The following KAZN variants were observed in gnomAD, a reference collection of about 807,000 sequenced individuals.
KAZN encodes the protein kazrin, periplakin interacting protein.
A neutral mutation model predicts 87.4 loss-of-function variants in KAZN; 40 were observed. The observed-to-expected ratio is 0.46, with a 90% CI of 0.36 to 0.60. The LOEUF (loss-of-function observed/expected upper bound fraction) is 0.60, where lower values mean the gene tolerates loss of function less well. Among genes scored for constraint, KAZN ranks in the 20% least tolerant of loss-of-function variants. The probability of loss-of-function intolerance (pLI) is 0.00; values close to 1 mark genes in which losing one functional copy is unlikely to be tolerated. For missense variants in KAZN, 898 were observed against 1,073.9 expected (o/e 0.84, Z 2.29); for synonymous variants, 466 against 458.3 (o/e 1.02, Z -0.22).
chr1:14,849,973 T>C (rs1409920197), intron 1 of KAZN, among the ~76,000 whole-genome samples: 2 of 151,616 alleles, frequency 1.3e-5, no homozygotes, highest in African/African-American at 4.9e-5. Context: ...ATCGCTCTGT[T>C]ACCCAGGCTG....
intron 2 of KAZN, among the ~76,000 whole-genome samples, chr1:15,008,924 T>C (rs1297692357): frequency 6.6e-6 from 1 of 152,252 alleles, no homozygotes; most frequent in Non-Finnish European, 1.5e-5. Context: ...GCTCAGTTCC[T>C]GTTATTCCCC....
chr1:14,644,202 G>A (rs1291337980), intron 1 of KAZN, among the ~76,000 whole-genome samples: 1 of 150,860 alleles, frequency 6.6e-6, no homozygotes, highest in African/African-American at 2.4e-5. Context: ...ATTAGAGATG[G>A]GGTTTCACCA....
intron 1 of KAZN, among the ~76,000 whole-genome samples, chr1:14,936,779 G>C (rs1485360919): frequency 6.6e-6 from 1 of 152,144 alleles, no homozygotes; most frequent in Non-Finnish European, 1.5e-5. Context: ...AGAAAGGAAA[G>C]ATACCCTCCC....
At chr1:14,943,019 T>TGGG (rs1309511657) in intron 1 of KAZN, among the ~76,000 whole-genome samples, 1 of 95,892 alleles carries the variant, frequency 1.0e-5, no homozygotes, top group African/African-American at 4.4e-5. Context: ...TGTGTGTGTG[T>TGGG]GTGTGTGTGT....
At chr1:14,843,557 A>G (rs1034738235) in intron 1 of KAZN, among the ~76,000 whole-genome samples, 2 of 152,240 alleles carry the variant, frequency 1.3e-5, no homozygotes, top group Non-Finnish European at 2.9e-5. Flanking sequence ...GCTGGCAGAC[A>G]AGGCTGGGGT....
chr1:14,373,198 AATATATAT>A (rs58491688), intron 2 of KAZN, among the ~76,000 whole-genome samples: 3 of 149,154 alleles, frequency 2.0e-5, no homozygotes, highest in South Asian at 2.2e-4. Flanking sequence ...TGAAAAACTG[AATATATAT>A]ATATATATAT....
chr1:14,152,486 C>T (rs1337488766), intron 1 of KAZN, among the ~76,000 whole-genome samples: 1 of 152,190 alleles, frequency 6.6e-6, no homozygotes, highest in African/African-American at 2.4e-5. Context: ...TGATTTCCAT[C>T]CAGTTCCATC....
At chr1:14,539,720 A>G (rs1389940748) in intron 2 of KAZN, among the ~76,000 whole-genome samples, 2 of 143,776 alleles carry the variant, frequency 1.4e-5, no homozygotes, top group African/African-American at 5.6e-5. Flanking sequence ...TAGTTTGATG[A>G]AAAAAAAAAC....
At chr1:14,032,970 C>A (rs1189387522) in intron 1 of KAZN, among the ~76,000 whole-genome samples, 1 of 152,186 alleles carries the variant, frequency 6.6e-6, no homozygotes, top group East Asian at 1.9e-4. Flanking sequence ...CCTGTGCCCT[C>A]TGCACCCTGG....
intron 1 of KAZN, among the ~76,000 whole-genome samples, chr1:14,906,517 C>A (rs150193170): frequency 9.5e-4 from 145 of 151,880 alleles, no homozygotes; most frequent in African/African-American, 3.4e-3. Context: ...CAGCCTCATG[C>A]GGAGCGAGTT....
chr1:14,413,329 G>A (rs1011713108), intron 2 of KAZN, among the ~76,000 whole-genome samples: 1 of 151,936 alleles, frequency 6.6e-6, no homozygotes, highest in African/African-American at 2.4e-5. Flanking sequence ...TGTGGCTCAC[G>A]CCTGTAATCC....
At chr1:14,127,396 G>GTTTTTTTT (rs1191115631) in intron 1 of KAZN, among the ~76,000 whole-genome samples, 1 of 51,018 alleles carries the variant, frequency 2.0e-5, no homozygotes. Context: ...CCCCTTTACT[G>GTTTTTTTT]TTGTTTTTTT....
intron 2 of KAZN, among the ~76,000 whole-genome samples, chr1:14,232,262 C>T (rs1001704363): frequency 6.6e-6 from 1 of 152,078 alleles, no homozygotes; most frequent in African/African-American, 2.4e-5. Flanking sequence ...TGTGTGTGCG[C>T]ATGTATGTGC....
At chr1:14,919,139 G>A (rs894268817) in intron 1 of KAZN, among the ~76,000 whole-genome samples, 5 of 152,214 alleles carry the variant, frequency 3.3e-5, no homozygotes, top group African/African-American at 9.6e-5. Context: ...CCAGCCCTTC[G>A]AACCTCCAGA....
chr1:14,117,694 T>G (rs935612096), intron 1 of KAZN, among the ~76,000 whole-genome samples: 2 of 152,000 alleles, frequency 1.3e-5, no homozygotes, highest in African/African-American at 4.8e-5. Context: ...CAGTTAGAGA[T>G]GAGATGAGCC....
chr1:15,050,028 GGGTAGGGTAGGGTAGGGT>G (rs1674136764), intron 4 of KAZN, among the ~76,000 whole-genome samples: 3 of 82,082 alleles, frequency 3.7e-5, no homozygotes, highest in South Asian at 3.7e-4. Flanking sequence ...GAGTAGAGTA[GGGTAGGGTAGGGTAGGGT>G]AGGGTAGGGT....
At chr1:14,871,477 A>AT (rs1652121750) in intron 1 of KAZN, among the ~76,000 whole-genome samples, 1 of 152,002 alleles carries the variant, frequency 6.6e-6, no homozygotes, top group African/African-American at 2.4e-5. Context: ...CTGGTCTGGG[A>AT]TTTTACAAAC....
chr1:14,736,010 A>G (rs1469537325), intron 1 of KAZN, among the ~76,000 whole-genome samples: 1 of 152,066 alleles, frequency 6.6e-6, no homozygotes, highest in Non-Finnish European at 1.5e-5. Context: ...GTGGAAATGC[A>G]CCCTAGAGAT....
intron 1 of KAZN, among the ~76,000 whole-genome samples, chr1:13,985,014 G>C (rs1638942458): frequency 6.6e-6 from 1 of 152,142 alleles, no homozygotes. Flanking sequence ...TAGGATAGGA[G>C]AGATGGAGTT....
Sources: gnomAD v4.1 joint callset for allele counts (sites outside exome capture counted in the v4.1 genomes callset) on GRCh38, gnomAD v4.1.1 for gene constraint, MANE v1.5 for transcripts, NCBI Gene and HGNC (gene_info 2026-07-23, HGNC 2026-07-21) for gene names.